Variants in GASK1A observed in about 807,000 individuals in gnomAD.
The protein encoded by GASK1A is golgi associated kinase 1A.
A neutral mutation model predicts 41.2 loss-of-function variants in GASK1A; 40 were observed. The ratio of observed to expected loss-of-function variants is 0.97; its 90% CI spans 0.75 to 1.27. The LOEUF (loss-of-function observed/expected upper bound fraction) is 1.27, where lower values mean the gene tolerates loss of function less well. Ranked by LOEUF, GASK1A falls within the 50% of genes most tolerant of loss-of-function variation. The probability of loss-of-function intolerance (pLI) is 0.00; values close to 1 mark genes in which losing one functional copy is unlikely to be tolerated. For missense variants in GASK1A, 678 were observed against 745.1 expected, an observed-to-expected ratio of 0.91 and a Z score of 1.05; for synonymous variants, 316 against 307.1, an observed-to-expected ratio of 1.03 and a Z score of -0.30.
intron 1 of GASK1A, among the ~76,000 whole-genome samples, chr3:43,029,852 C>T (rs766038778): frequency 2.6e-5 from 4 of 152,098 alleles, no homozygotes; most frequent in African/African-American, 7.3e-5. Context: ...GAAATGTGTT[C>T]GGTTCCTGCA....
At chr3:42,986,584 G>A (rs2089311750) in intron 1 of GASK1A, among the ~76,000 whole-genome samples, 1 of 151,816 alleles carries the variant, frequency 6.6e-6, no homozygotes, top group Non-Finnish European at 1.5e-5. Context: ...CTGGGAAGGA[G>A]CTGGGCTGGG....
chr3:43,016,414 C>A (rs908101289), intron 1 of GASK1A, among the ~76,000 whole-genome samples: 7 of 151,210 alleles, frequency 4.6e-5, no homozygotes, highest in South Asian at 2.1e-4. Flanking sequence ...CTGTGTGAAG[C>A]CACAGGAAGG....
chr3:43,049,164 T>C (rs2089677192), intron 2 of GASK1A, among the ~76,000 whole-genome samples: 1 of 152,094 alleles, frequency 6.6e-6, no homozygotes, highest in Admixed American at 6.5e-5. Context: ...TTGATTCTCT[T>C]ACAGGAAAAC....
At chr3:42,988,384 T>G (rs1264208055) in intron 1 of GASK1A, among the ~76,000 whole-genome samples, 1 of 152,152 alleles carries the variant, frequency 6.6e-6, no homozygotes, top group African/African-American at 2.4e-5. Flanking sequence ...TCCTCCCATC[T>G]TGGGGCAGCA....
At chr3:43,048,063 G>A (rs1207152820) in intron 2 of GASK1A, among the ~76,000 whole-genome samples, 1 of 152,188 alleles carries the variant, frequency 6.6e-6, no homozygotes, top group Admixed American at 6.5e-5. Context: ...AAGATTAAAG[G>A]AGGAAATGGA....
intron 2 of GASK1A, among the ~76,000 whole-genome samples, chr3:43,051,420 T>G (rs2089687730): frequency 6.6e-6 from 1 of 152,162 alleles, no homozygotes; most frequent in Non-Finnish European, 1.5e-5. Context: ...TGTATGCAAT[T>G]GACAAATCTG....
At chr3:43,032,218 C>T in intron 1 of GASK1A, 49 bp from the exon 2 acceptor site, 1 of 1,397,998 alleles carries the variant, frequency 7.2e-7, no homozygotes, top group East Asian at 2.5e-5. Context: ...GTGGGTTGAG[C>T]TGATGTATTT....
At chr3:43,038,846 T>C (rs1200917058) in intron 2 of GASK1A, among the ~76,000 whole-genome samples, 1 of 152,130 alleles carries the variant, frequency 6.6e-6, no homozygotes, top group Non-Finnish European at 1.5e-5. Context: ...GAGGACTAAG[T>C]AGGATCTTAC....
chr3:43,017,566 A>G (rs1575443021), intron 1 of GASK1A, among the ~76,000 whole-genome samples: 1 of 139,134 alleles, frequency 7.2e-6, no homozygotes, highest in Non-Finnish European at 1.5e-5. Flanking sequence ...GGAAGGGAGG[A>G]AGGGGTAGTG....
At chr3:43,046,991 G>A (rs986897217) in intron 2 of GASK1A, among the ~76,000 whole-genome samples, 10 of 152,256 alleles carry the variant, frequency 6.6e-5, no homozygotes, top group Admixed American at 5.9e-4. Flanking sequence ...GAAACACCTG[G>A]ATGTCCAGGC....
chr3:43,045,338 A>G (rs1166589753), intron 2 of GASK1A, among the ~76,000 whole-genome samples: 1 of 152,112 alleles, frequency 6.6e-6, no homozygotes, highest in Non-Finnish European at 1.5e-5. Context: ...TCCAAAGGCC[A>G]TGAGGGGTTT....
intron 2 of GASK1A, among the ~76,000 whole-genome samples, chr3:43,042,856 A>G (rs1249294395): frequency 2.0e-5 from 3 of 152,174 alleles, no homozygotes; most frequent in Admixed American, 2.0e-4. Context: ...GGGGCAGATG[A>G]AGCAGTCTAG....
intron 2 of GASK1A, among the ~76,000 whole-genome samples, chr3:43,041,341 A>G (rs545743360): frequency 1.1e-4 from 17 of 152,216 alleles, no homozygotes; most frequent in African/African-American, 4.1e-4. Flanking sequence ...AGTCCCACCA[A>G]CAGTGTAAAA....
intron 2 of GASK1A, among the ~76,000 whole-genome samples, chr3:43,051,188 T>C (rs183998034): frequency 3.5e-4 from 53 of 152,322 alleles, no homozygotes; most frequent in African/African-American, 1.3e-3. Context: ...TGTAGTTGTT[T>C]TTGTTTGTAG....
chr3:43,055,461 CTACA>C lies in GASK1A; in HGVS notation c.1445_1448del (p.Tyr482SerfsTer14). 2 of 1,551,798 alleles carry C rather than the reference CTACA, an allele frequency of 1.3e-6. No homozygotes were observed. Among genetic ancestry groups the C allele is most frequent in the African/African-American group, 2.7e-5 (2 of 73,170 alleles). The stretch of plus-strand genomic sequence containing the variant: ...GGAGCAGCGATCCATCTCACCTGGT[CTACA>C]TCGATAACGCTGGCAACCTTCAGCA... On this transcript the variant is annotated frameshift_variant, in exon 4 of 5. Transcript: ENST00000430121. LOFTEE classifies it high-confidence loss of function.
intron 1 of GASK1A, among the ~76,000 whole-genome samples, chr3:43,025,567 G>T (rs147460019): frequency 2.0e-5 from 3 of 152,318 alleles, no homozygotes; most frequent in Non-Finnish European, 2.9e-5. Context: ...GGGCTTCAAG[G>T]GTGGTCTTTC....
intron 2 of GASK1A, among the ~76,000 whole-genome samples, chr3:43,044,965 G>A (rs1033348922): frequency 6.6e-6 from 1 of 152,104 alleles, no homozygotes; most frequent in Non-Finnish European, 1.5e-5. Context: ...CAAGCTCTGG[G>A]AGCCCACATT....
Position 43,053,625 on chromosome 3 carries a change from G to A in GASK1A, c.1395G>A (p.Leu465=). ...AGAAATGCCAGAACCCAGCCGAGCT[G>A]CGGCTGGTCCACATCCTGGTACGTC... is the stretch of plus-strand genomic sequence containing the variant. The part of the protein sequence containing the change: ...LREKCQNPAE[L]RLVHILVRSS... Residue 465 remains leucine (L), a synonymous_variant, in exon 3 of 5, where the codon CTG becomes CTA. Transcript: ENST00000430121. The A allele has an allele frequency of 1.3e-6, 2 of 1,551,702 alleles. No homozygotes were observed. The highest frequency in any genetic ancestry group is 1.7e-6 in the Non-Finnish European group (2 of 1,146,978).
chr3:43,011,845 TAGGAAGGGGCTGTGTGAAGCCA>T (rs2089465079), intron 1 of GASK1A, among the ~76,000 whole-genome samples: 1 of 140,166 alleles, frequency 7.1e-6, no homozygotes, highest in Non-Finnish European at 1.5e-5. Context: ...AGTGTGACGT[TAGGAAGGGGCTGTGTGAAGCCA>T]AGGAAGGGGC....
Sources: allele counts gnomAD v4.1 joint callset (sites outside exome capture counted in the v4.1 genomes callset), GRCh38; gene constraint gnomAD v4.1.1; transcripts MANE v1.5; gene names NCBI Gene and HGNC (gene_info 2026-07-23, HGNC 2026-07-21).